HEPH: variants seen among roughly 807,000 people sequenced by gnomAD.
HEPH encodes the protein hephaestin.
A neutral mutation model predicts 80.8 loss-of-function variants in HEPH; 69 were observed. The ratio of observed to expected loss-of-function variants is 0.85; its 90% CI spans 0.70 to 1.04. HEPH has a LOEUF of 1.04. Among genes scored for constraint, HEPH ranks in the 50% least tolerant of loss-of-function variants. HEPH has a pLI of 0.00. For synonymous variants in HEPH, 431 were observed against 322.8 expected (o/e 1.34, Z -3.60); for missense variants, 1,115 against 891.3 (o/e 1.25, Z -3.20).
chrX:66,243,996 A>G (rs1002889718), intron 15 of HEPH, among the ~76,000 whole-genome samples: 2 of 112,045 alleles, frequency 1.8e-5, no homozygotes, highest in Admixed American at 1.9e-4. Context: ...TGCTTTATAT[A>G]GGCCCCCAGT....
chrX:66,207,672 G>T (rs7878104), intron 14 of HEPH, among the ~76,000 whole-genome samples: 3,370 of 111,219 alleles, frequency 0.03, 123 homozygotes, highest in African/African-American at 0.11. Flanking sequence ...TTTTTTCATT[G>T]TACCGCTGTT....
intron 15 of HEPH, among the ~76,000 whole-genome samples, chrX:66,243,193 C>T (rs1176932329): frequency 8.9e-6 from 1 of 111,754 alleles, no homozygotes; most frequent in African/African-American, 3.2e-5. Flanking sequence ...ATAGATGGAA[C>T]TGGAGGCCAT....
intron 12 of HEPH, among the ~76,000 whole-genome samples, chrX:66,202,663 T>C (rs2088523485): frequency 9.1e-6 from 1 of 110,444 alleles, no homozygotes; most frequent in African/African-American, 3.3e-5. Flanking sequence ...TGAAGTCTAC[T>C]TTATTTCTTT....
At chrX:66,231,030 G>T (rs1283182823) in intron 15 of HEPH, among the ~76,000 whole-genome samples, 7 of 108,397 alleles carry the variant, frequency 6.5e-5, no homozygotes, top group Non-Finnish European at 1.3e-4. Context: ...TTATTAAATA[G>T]GGAATCCTTT....
At chrX:66,259,176 C>T (rs1041595206) in intron 18 of HEPH, among the ~76,000 whole-genome samples, 197 bp downstream of exon 18, 1 of 111,831 alleles carries the variant, frequency 8.9e-6, no homozygotes, top group Non-Finnish European at 1.9e-5. Context: ...CCCTAGCTTT[C>T]CCTTCTGATG....
chrX:66,254,603 T>C (rs981992647), intron 15 of HEPH, among the ~76,000 whole-genome samples: 1 of 110,563 alleles, frequency 9.0e-6, no homozygotes, highest in African/African-American at 3.3e-5. Context: ...CAGATCATAG[T>C]TGAAGTCAGA....
At position 66,173,650 on chromosome X, in the gene HEPH, G is replaced by A; in HGVS notation, c.474G>A (p.Gly158=). The A allele has an allele frequency of 8.3e-7, 1 of 1,210,950 alleles. No homozygotes were observed. Among genetic ancestry groups the A allele is most frequent in the Non-Finnish European group, 1.1e-6 (1 of 895,102 alleles). The change falls in exon 4 of 21, where the codon GGG becomes GGA. Residue 158 remains glycine, a synonymous_variant. Coordinates refer to ENST00000343002, the MANE Select transcript of HEPH (RefSeq NM_001367233.3). The part of the protein sequence containing the change: ...PLKADDSVPP[G]GSHIYNWTIP... ...AAGCTGATGACTCTGTTCCCCCGGG[G>A]GGCAGCCATATCTACAACTGGACCA...
At chrX:66,253,738 T>C (rs2091080272) in intron 15 of HEPH, among the ~76,000 whole-genome samples, 1 of 112,568 alleles carries the variant, frequency 8.9e-6, no homozygotes, top group African/African-American at 3.2e-5. Flanking sequence ...GTGTATCTAT[T>C]CAATGGACTA....
intron 15 of HEPH, among the ~76,000 whole-genome samples, chrX:66,250,717 G>T (rs1299371459): frequency 1.8e-5 from 2 of 111,989 alleles, no homozygotes; most frequent in African/African-American, 3.2e-5. Flanking sequence ...ATTCTCTGGA[G>T]ATTCATCTAA....
intron 15 of HEPH, among the ~76,000 whole-genome samples, chrX:66,251,752 A>G (rs1224266709): frequency 2.7e-5 from 3 of 111,724 alleles, no homozygotes; most frequent in African/African-American, 6.5e-5. Flanking sequence ...AATGATCTCA[A>G]TGTATTTAAG....
At chrX:66,263,089 T>C (rs1025001775) in intron 19 of HEPH, among the ~76,000 whole-genome samples, 2 of 111,267 alleles carry the variant, frequency 1.8e-5, no homozygotes, top group Non-Finnish European at 3.8e-5. Flanking sequence ...AGAGAACTGC[T>C]AGCTAACAAT....
chrX:66,197,544 C>T, intron 9 of HEPH, 139 bp from the exon 10 acceptor site: 2 of 481,351 alleles, frequency 4.2e-6, no homozygotes, highest in South Asian at 3.3e-5. Context: ...CCAGAGTTCT[C>T]CTCATTATTC....
At chrX:66,240,660 G>A (rs984626572) in intron 15 of HEPH, among the ~76,000 whole-genome samples, 6 of 110,936 alleles carry the variant, frequency 5.4e-5, no homozygotes, top group African/African-American at 1.6e-4. Context: ...TTCATCAGAA[G>A]CCACAGAAGC....
rs751932007 is a variant in HEPH, at chrX:66,195,151, C to T, written c.1423C>T (p.Arg475Cys). ...GDTIQVVFYN[R>C]ASQPFSMQPH... ...CACCATTCAGGTGGTCTTCTACAAC[C>T]GTGCCTCCCAGCCATTCAGCATGCA... Residue 475 changes from arginine to cysteine, a missense_variant, in exon 9 of 21, where the codon CGT becomes TGT. Arg to Cys is a radical substitution (Grantham distance 180). Coordinates refer to ENST00000343002, the MANE Select transcript of HEPH (RefSeq NM_001367233.3). The T allele has an allele frequency of 8.3e-7, 1 of 1,203,738 alleles. No individual in the cohort carries two copies. Among genetic ancestry groups the T allele is most frequent in the South Asian group, 1.8e-5 (1 of 55,602 alleles).
chrX:66,225,653 C>T (rs563830046), intron 15 of HEPH, among the ~76,000 whole-genome samples: 4 of 112,478 alleles, frequency 3.6e-5, no homozygotes, highest in Middle Eastern at 4.2e-3. Context: ...CAGGGGCCTG[C>T]CATGCGCTGC....
At chrX:66,192,720 A>T (rs1053274323) in intron 7 of HEPH, among the ~76,000 whole-genome samples, 2 of 111,894 alleles carry the variant, frequency 1.8e-5, no homozygotes, top group African/African-American at 6.5e-5. Flanking sequence ...GCAGGGGTAT[A>T]AAAAGCACTC....
intron 15 of HEPH, among the ~76,000 whole-genome samples, chrX:66,225,261 G>A (rs1041873711): frequency 9.0e-6 from 1 of 111,637 alleles, no homozygotes; most frequent in African/African-American, 3.3e-5. Context: ...ATAGTTCCTA[G>A]TGGAGTGGGC....
At chrX:66,165,943 G>T (rs1229589274) in intron 1 of HEPH, among the ~76,000 whole-genome samples, 1 of 110,363 alleles carries the variant, frequency 9.1e-6, no homozygotes, top group Non-Finnish European at 1.9e-5. Flanking sequence ...AAATATCCTT[G>T]CCCAAGTGAA....
At chrX:66,235,127 T>A (rs940631294) in intron 15 of HEPH, among the ~76,000 whole-genome samples, 1 of 111,876 alleles carries the variant, frequency 8.9e-6, no homozygotes, top group Non-Finnish European at 1.9e-5. Flanking sequence ...TTTGCAAAAC[T>A]TTTTTCAATT....
Sources: gnomAD v4.1 joint callset for allele counts (sites outside exome capture counted in the v4.1 genomes callset) on GRCh38, gnomAD v4.1.1 for gene constraint, MANE v1.5 for transcripts, NCBI Gene and HGNC (gene_info 2026-07-23, HGNC 2026-07-21) for gene names.